Variants in GRM8 observed in about 807,000 individuals in gnomAD.
GRM8 encodes the protein metabotropic glutamate receptor 8.
A neutral mutation model predicts 87.2 loss-of-function variants in GRM8; 47 were observed. That is an observed-to-expected ratio of 0.54 (90% CI 0.43 to 0.69). GRM8 has a LOEUF of 0.69. Ranked by LOEUF, GRM8 falls within the 30% of genes least tolerant of loss-of-function variation. The pLI is 0.00. For synonymous variants in GRM8, 396 were observed against 404.5 expected (o/e 0.98, Z 0.25); for missense variants, 1,019 against 1,139.2 (o/e 0.89, Z 1.52).
intron 2 of GRM8, among the ~76,000 whole-genome samples, chr7:127,121,814 C>A (rs1020864066): frequency 1.2e-4 from 18 of 152,096 alleles, no homozygotes; most frequent in African/African-American, 3.9e-4. Flanking sequence ...TTAGAAACCA[C>A]CCCCATGATC....
At chr7:126,597,236 C>T (rs904920394) in intron 8 of GRM8, among the ~76,000 whole-genome samples, 5 of 152,116 alleles carry the variant, frequency 3.3e-5, no homozygotes, top group Non-Finnish European at 4.4e-5. Context: ...AAAGGTGTCA[C>T]GAGAAATTTT....
At chr7:126,510,895 C>A (rs2150743434) in intron 9 of GRM8, among the ~76,000 whole-genome samples, 1 of 152,196 alleles carries the variant, frequency 6.6e-6, no homozygotes, top group East Asian at 1.9e-4. Context: ...TTAGAGATAA[C>A]TAGCTTGAGG....
intron 7 of GRM8, among the ~76,000 whole-genome samples, chr7:126,634,623 C>CT (rs1423245816): frequency 6.6e-6 from 1 of 152,026 alleles, no homozygotes; most frequent in Non-Finnish European, 1.5e-5. Flanking sequence ...TCCAACACAC[C>CT]TAGAAACACA....
At position 126,850,465 on chromosome 7, in the gene GRM8, C is replaced by T. The variant is rs566242468; in HGVS notation, c.1156+52077G>A. On this transcript the variant is annotated intron_variant, in intron 6 of 10. Transcript: ENST00000339582. ...TTGAGAAAGTTGGGTTTATTACTCA[C>T]TACAACAGGGAGAACACATACTCAT... 4.6e-5 allele frequency among the ~76,000 whole-genome samples: 7 copies of T among 152,294 alleles called. No homozygotes were observed. The South Asian group carries it at 1.4e-3, about 32-fold the overall frequency.
At chr7:127,242,018 T>C (rs1440057081) in intron 2 of GRM8, among the ~76,000 whole-genome samples, 1 of 152,178 alleles carries the variant, frequency 6.6e-6, no homozygotes, top group East Asian at 1.9e-4. Context: ...ATGCAACATA[T>C]GGGTAATAGA....
intron 8 of GRM8, among the ~76,000 whole-genome samples, chr7:126,560,477 G>C (rs956967039): frequency 6.6e-6 from 1 of 152,048 alleles, no homozygotes; most frequent in African/African-American, 2.4e-5. Flanking sequence ...CTATAAAAGA[G>C]TGAATAAATA....
chr7:126,884,158 C>T (rs562584080), intron 6 of GRM8, among the ~76,000 whole-genome samples: 21 of 151,900 alleles, frequency 1.4e-4, no homozygotes, highest in Non-Finnish European at 2.9e-4. Context: ...TTTGCTGATG[C>T]CATAAATTAA....
intron 7 of GRM8, among the ~76,000 whole-genome samples, chr7:126,672,379 C>G (rs1806475539): frequency 6.6e-6 from 1 of 152,188 alleles, no homozygotes; most frequent in Non-Finnish European, 1.5e-5. Flanking sequence ...CCAGGGATGC[C>G]TGCTCCCCTT....
chr7:126,680,535 T>G (rs1414316427), intron 7 of GRM8, among the ~76,000 whole-genome samples: 1 of 152,224 alleles, frequency 6.6e-6, no homozygotes, highest in Non-Finnish European at 1.5e-5. Context: ...ATTTTTCCAA[T>G]TATTTCTTTC....
chr7:126,991,006 T>C (rs950831585), intron 3 of GRM8, among the ~76,000 whole-genome samples: 4 of 152,214 alleles, frequency 2.6e-5, no homozygotes, highest in African/African-American at 9.7e-5. Flanking sequence ...TTAAAATGTA[T>C]AATGTAAATG....
chr7:126,487,488 C>G (rs1807512701), intron 9 of GRM8, among the ~76,000 whole-genome samples: 1 of 151,562 alleles, frequency 6.6e-6, no homozygotes, highest in Non-Finnish European at 1.5e-5. Context: ...TTGATACTAC[C>G]CTATTACTTG....
At chr7:126,611,351 T>C (rs1798895737) in intron 7 of GRM8, among the ~76,000 whole-genome samples, 1 of 152,238 alleles carries the variant, frequency 6.6e-6, no homozygotes, top group South Asian at 2.1e-4. Context: ...GAGAATTAAA[T>C]AATCAACACT....
At chr7:127,033,474 T>C (rs1817576441) in intron 3 of GRM8, among the ~76,000 whole-genome samples, 1 of 152,138 alleles carries the variant, frequency 6.6e-6, no homozygotes, top group African/African-American at 2.4e-5. Context: ...CTATGTACCA[T>C]GAACTGATCA....
At chr7:126,823,708 C>A (rs531429480) in intron 6 of GRM8, among the ~76,000 whole-genome samples, 3 of 152,046 alleles carry the variant, frequency 2.0e-5, no homozygotes, top group Non-Finnish European at 4.4e-5. Flanking sequence ...TACGTTTCTG[C>A]AATCAATGTG....
intron 2 of GRM8, among the ~76,000 whole-genome samples, chr7:127,217,186 C>T (rs2299555): frequency 0.22 from 33,197 of 152,058 alleles, 4,098 homozygotes; most frequent in Middle Eastern, 0.3. Flanking sequence ...ACTTGTACTA[C>T]CTAAGTGCAT....
intron 6 of GRM8, among the ~76,000 whole-genome samples, chr7:126,823,602 A>G (rs2130224734): frequency 6.6e-6 from 1 of 152,386 alleles, no homozygotes; most frequent in South Asian, 2.1e-4. Context: ...AACTTCAGTT[A>G]CATATCTGGT....
At chr7:126,527,014 C>T (rs1444396514) in intron 9 of GRM8, among the ~76,000 whole-genome samples, 2 of 152,140 alleles carry the variant, frequency 1.3e-5, no homozygotes, top group Admixed American at 6.5e-5. Flanking sequence ...TAATGTGGCA[C>T]CGTTAAAAAG....
chr7:126,733,529 C>T (rs1399976197), intron 7 of GRM8, among the ~76,000 whole-genome samples: 3 of 150,344 alleles, frequency 2.0e-5, no homozygotes, highest in Non-Finnish European at 4.4e-5. Flanking sequence ...AAAAAGTTCT[C>T]AATAAAATAC....
chr7:126,516,566 A>T (rs533739105), intron 9 of GRM8, among the ~76,000 whole-genome samples: 2 of 152,256 alleles, frequency 1.3e-5, no homozygotes, highest in African/African-American at 4.8e-5. Flanking sequence ...TAAACTAAGC[A>T]AGCATCTATG....
Sources: gnomAD v4.1 joint callset for allele counts (sites outside exome capture counted in the v4.1 genomes callset) on GRCh38, gnomAD v4.1.1 for gene constraint, MANE v1.5 for transcripts, NCBI Gene and HGNC (gene_info 2026-07-23, HGNC 2026-07-21) for gene names.